Variants in IGSF10 observed in about 807,000 individuals in gnomAD.
IGSF10 encodes immunoglobulin superfamily member 10.
Under a neutral mutation model 128.2 loss-of-function variants are expected in IGSF10, and 126 were observed. That is an observed-to-expected ratio of 0.98 (90% CI 0.85 to 1.14). The LOEUF is 1.14. Ranked by LOEUF, IGSF10 falls within the 50% of genes most tolerant of loss-of-function variation. IGSF10 has a pLI of 0.00. For missense variants in IGSF10, 3,295 were observed against 3,149.8 expected (o/e 1.05, Z -1.10); for synonymous variants, 1,185 against 1,146.2 (o/e 1.03, Z -0.68).
chr3:151,609,370 C>T, the IGSF10 span, among the ~76,000 whole-genome samples: 54 of 152,258 alleles, frequency 3.5e-4, no homozygotes, highest in South Asian at 0.011. Flanking sequence ...GAATTTTAAT[C>T]AGGTAAGTTA....
chr3:151,468,912 A>G, the IGSF10 span, among the ~76,000 whole-genome samples: 1 of 152,088 alleles, frequency 6.6e-6, no homozygotes, highest in African/African-American at 2.4e-5. Flanking sequence ...CCTAGGCCCC[A>G]GTGTATGTTG....
At chr3:151,513,024 C>T in the IGSF10 span, among the ~76,000 whole-genome samples, 1 of 152,328 alleles carries the variant, frequency 6.6e-6, no homozygotes, top group South Asian at 2.1e-4. Flanking sequence ...CAGCCGAATT[C>T]TACCAGAGGT....
At chr3:151,565,269 C>T in the IGSF10 span, among the ~76,000 whole-genome samples, 402 of 152,252 alleles carry the variant, frequency 2.6e-3, 3 homozygotes, top group African/African-American at 9.4e-3. Context: ...GGTAGAGAGA[C>T]CTTGAATCTA....
the IGSF10 span, among the ~76,000 whole-genome samples, chr3:151,484,765 A>G: frequency 6.6e-6 from 1 of 152,100 alleles, no homozygotes; most frequent in African/African-American, 2.4e-5. Flanking sequence ...AACATCAACA[A>G]AAAGGACGTC....
chr3:151,596,475 T>G, the IGSF10 span, among the ~76,000 whole-genome samples: 1 of 87,166 alleles, frequency 1.1e-5, no homozygotes, highest in South Asian at 4.2e-4. Flanking sequence ...TATTATGGTG[T>G]TTATGTGTGT....
chr3:151,474,263 GC>G, the IGSF10 span, among the ~76,000 whole-genome samples: 5 of 152,100 alleles, frequency 3.3e-5, no homozygotes, highest in Non-Finnish European at 2.9e-5. Flanking sequence ...ACTACAGAAA[GC>G]TTAATTTAAA....
chr3:151,511,959 T>C, the IGSF10 span, among the ~76,000 whole-genome samples: 1 of 152,152 alleles, frequency 6.6e-6, no homozygotes, highest in Non-Finnish European at 1.5e-5. Flanking sequence ...CCCAGATTCA[T>C]AAAGCAAGTC....
chr3:151,446,545 C>T lies in IGSF10; in HGVS notation c.3436G>A (p.Ala1146Thr). The T allele has an allele frequency of 6.2e-7, 1 of 1,614,096 alleles. No homozygotes were observed. The highest frequency in any genetic ancestry group is 8.5e-7 in the Non-Finnish European group (1 of 1,179,988). The change falls in exon 6 of 8, where the codon GCT (alanine) becomes ACT (threonine). Residue 1146 changes from alanine to threonine, a missense_variant. Ala to Thr is a moderately conservative substitution (Grantham distance 58). Transcript: ENST00000282466. ...VTPTGAVMTY[A>T]PTSIPMEKTH... ...TTTTCCATGGGTATGGATGTTGGAG[C>T]ATATGTCATGACTGCACCAGTTGGA... is the stretch of plus-strand genomic sequence containing the variant.
chr3:151,558,026 TA>T, the IGSF10 span, among the ~76,000 whole-genome samples: 8 of 27,482 alleles, frequency 2.9e-4, 1 homozygote, highest in African/African-American at 1.5e-3. Context: ...ATAATATATA[TA>T]TTGGTACAAT....
chr3:151,579,844 A>G, the IGSF10 span, among the ~76,000 whole-genome samples: 16 of 143,688 alleles, frequency 1.1e-4, no homozygotes, highest in Non-Finnish European at 3.1e-5. Flanking sequence ...GGAAGGAAAG[A>G]AGGAAGGGAG....
chr3:151,464,922 CTT>C (rs1722228717), upstream of IGSF10, among the ~76,000 whole-genome samples: 1 of 152,176 alleles, frequency 6.6e-6, no homozygotes, highest in South Asian at 2.1e-4. Flanking sequence ...GACTTGAAGA[CTT>C]TATATATAGT....
rs1387056516 is a variant in IGSF10, at chr3:151,446,447, TG to T, written c.3533del (p.Thr1178AsnfsTer13). The part of the protein sequence containing the change: ...TNEAKRDSVI[T>X]SSLSGAITKP... ...TGGTGATAGCACCTGAAAGTGACGATGTAATCACTGAATCTCTTTTAGCTTC... is the reference window on the plus strand; with the variant it reads ...TGGTGATAGCACCTGAAAGTGACGATTAATCACTGAATCTCTTTTAGCTTC... On this transcript the variant is annotated frameshift_variant, in exon 6 of 8. Transcript: ENST00000282466. LOFTEE classifies it high-confidence loss of function. 13 of 1,614,018 alleles carry T rather than the reference TG, an allele frequency of 8.1e-6. No individual in the cohort carries two copies. The highest frequency in any genetic ancestry group is 1.3e-5 in the African/African-American group (1 of 74,934).
At chr3:151,618,615 A>C in the IGSF10 span, among the ~76,000 whole-genome samples, 2 of 151,932 alleles carry the variant, frequency 1.3e-5, no homozygotes, top group Non-Finnish European at 2.9e-5. Flanking sequence ...CTGTAGTCCC[A>C]GCTACTCAGG....
At chr3:151,564,912 T>C in the IGSF10 span, among the ~76,000 whole-genome samples, 26 of 152,178 alleles carry the variant, frequency 1.7e-4, no homozygotes, top group Non-Finnish European at 3.4e-4. Context: ...ATTGAATACA[T>C]ACTAAGCACA....
chr3:151,495,942 A>G, the IGSF10 span, among the ~76,000 whole-genome samples: 1 of 152,070 alleles, frequency 6.6e-6, no homozygotes, highest in Non-Finnish European at 1.5e-5. Context: ...GATTTGCTGG[A>G]TTTTTACCAT....
the IGSF10 span, among the ~76,000 whole-genome samples, chr3:151,496,556 G>GTGCATATGTGCCTCAT: frequency 2.9e-5 from 1 of 34,908 alleles, no homozygotes; most frequent in Non-Finnish European, 5.1e-5. Flanking sequence ...GTATTCCATG[G>GTGCATATGTGCCTCAT]TTTCCTTAAT....
the IGSF10 span, among the ~76,000 whole-genome samples, chr3:151,492,190 A>G: frequency 6.6e-6 from 1 of 152,198 alleles, no homozygotes; most frequent in African/African-American, 2.4e-5. Flanking sequence ...ATTTTTTTAA[A>G]TGGGCAAAAT....
the IGSF10 span, among the ~76,000 whole-genome samples, chr3:151,560,652 G>C: frequency 6.6e-6 from 1 of 151,942 alleles, no homozygotes; most frequent in Non-Finnish European, 1.5e-5. Flanking sequence ...AACTAATAAG[G>C]TCTGGGACTA....
the IGSF10 span, among the ~76,000 whole-genome samples, chr3:151,619,258 G>T: frequency 2.0e-5 from 3 of 152,028 alleles, no homozygotes; most frequent in Non-Finnish European, 4.4e-5. Flanking sequence ...GCCTCCCCCT[G>T]CTTCCACCTT....
Sources: allele counts gnomAD v4.1 joint callset (sites outside exome capture counted in the v4.1 genomes callset), GRCh38; gene constraint gnomAD v4.1.1; transcripts MANE v1.5; gene names NCBI Gene and HGNC (gene_info 2026-07-23, HGNC 2026-07-21).